The following KIT variants were observed in gnomAD, a reference collection of about 807,000 sequenced individuals.
KIT encodes the protein mast/stem cell growth factor receptor Kit.
Under a neutral mutation model 105.7 loss-of-function variants are expected in KIT, and 16 were observed. That is an observed-to-expected ratio of 0.15 (90% confidence interval 0.10 to 0.23). KIT has a LOEUF of 0.23. KIT is among the 10% of genes least tolerant of loss of function. The probability of loss-of-function intolerance (pLI) is 1.00; values close to 1 mark genes in which losing one functional copy is unlikely to be tolerated. For missense variants in KIT, 858 were observed against 1,213.8 expected, an observed-to-expected ratio of 0.71 and a Z score of 4.36; for synonymous variants, 438 against 441.1, an observed-to-expected ratio of 0.99 and a Z score of 0.09.
chr4:54,733,961 G>T (rs941831642), intron 17 of KIT, among the ~76,000 whole-genome samples: 2 of 152,114 alleles, frequency 1.3e-5, no homozygotes, highest in Admixed American at 6.6e-5. Context: ...ATTCCTGGAG[G>T]TGGATTTTTG....
At chr4:54,658,423 G>C (rs1007389214) in intron 1 of KIT, among the ~76,000 whole-genome samples, 3 of 152,068 alleles carry the variant, frequency 2.0e-5, no homozygotes, top group African/African-American at 2.4e-5. Flanking sequence ...GAGGCGGGGG[G>C]CTCAGGGGTT....
intron 7 of KIT, among the ~76,000 whole-genome samples, chr4:54,715,847 C>T (rs11931731): frequency 5.4e-4 from 82 of 152,302 alleles, no homozygotes; most frequent in Non-Finnish European, 1.1e-3. Flanking sequence ...TCTCCAACTA[C>T]CTTTATCCAG....
chr4:54,694,059 G>T (rs1416723969), intron 1 of KIT, among the ~76,000 whole-genome samples: 2 of 152,090 alleles, frequency 1.3e-5, no homozygotes. Flanking sequence ...AATCTACAGG[G>T]TCCCTGAGGT....
intron 1 of KIT, among the ~76,000 whole-genome samples, chr4:54,682,782 C>G (rs1490964014): frequency 1.4e-5 from 2 of 146,282 alleles, no homozygotes; most frequent in Non-Finnish European, 3.0e-5. Flanking sequence ...GACAGAGTCT[C>G]GCCCCGTCAC....
intron 20 of KIT, among the ~76,000 whole-genome samples, chr4:54,737,979 T>G (rs1723023765): frequency 6.6e-6 from 1 of 152,188 alleles, no homozygotes; most frequent in South Asian, 2.1e-4. Context: ...GGTTAAAGCT[T>G]GTTCTTCTGG....
rs576257790 is a variant in KIT at position 54,661,069 on chromosome 4, G to A, written c.67+2988G>A. 2.9e-3 allele frequency among the ~76,000 whole-genome samples: 437 copies of A among 152,240 alleles called. 5 individuals are homozygous for A. The highest frequency in any genetic ancestry group is 0.01 in the African/African-American group (416 of 41,534). On this transcript the variant is annotated intron_variant, in intron 1 of 20. Coordinates refer to ENST00000288135, the MANE Select transcript of KIT (RefSeq NM_000222.3). ...CTTAGTTGTTAGCTATCTCATTCCA[G>A]TTAGCGTCCCTCAGAAATGAAGGTA... is the stretch of plus-strand genomic sequence containing the variant.
In KIT at chr4:54,728,039, C is replaced by T. The variant is rs753610580; in HGVS notation, c.1908C>T (p.Ala636=). Residue 636 remains alanine (A), a synonymous_variant, in exon 13 of 21, where the codon GCC becomes GCT. Coordinates refer to ENST00000288135, the MANE Select transcript of KIT (RefSeq NM_000222.3). ...KPSAHLTERE[A]LMSELKVLSY... ...GTGCCCATTTGACAGAACGGGAAGC[C>T]CTCATGTCTGAACTCAAAGTCCTGA... 1.9e-6 allele frequency: 3 copies of T among 1,613,996 alleles called. No homozygotes were observed. In the East Asian group the frequency reaches 6.7e-5, roughly 36 times the overall value.
intron 1 of KIT, among the ~76,000 whole-genome samples, chr4:54,683,741 G>A (rs190389302): frequency 3.4e-3 from 516 of 152,234 alleles, no homozygotes; most frequent in Non-Finnish European, 5.5e-3. Flanking sequence ...CATTTAACAT[G>A]TTCTCTATCT....
chr4:54,696,928 A>G lies in KIT; in HGVS notation c.337+1147A>G, dbSNP rs867484744. ...AGGTATTTTGCAATTTCCAGGTGGC[A>G]ATGAAGTATCATGACAATTGAATAA... On this transcript the variant is annotated intron_variant, in intron 2 of 20. Coordinates refer to ENST00000288135, the MANE Select transcript of KIT (RefSeq NM_000222.3). Among the ~76,000 whole-genome samples, 7 of 152,384 alleles carry G rather than the reference A, an allele frequency of 4.6e-5. No homozygotes were observed. In the Middle Eastern group the frequency reaches 0.01, roughly 222 times the overall value.
chr4:54,682,277 A>G (rs1177811710), intron 1 of KIT, among the ~76,000 whole-genome samples: 1 of 151,576 alleles, frequency 6.6e-6, no homozygotes, highest in Non-Finnish European at 1.5e-5. Flanking sequence ...TTTTGCAGAG[A>G]TGATGTTTAG....
intron 1 of KIT, among the ~76,000 whole-genome samples, chr4:54,689,299 C>T (rs1251655559): frequency 6.6e-6 from 1 of 152,122 alleles, no homozygotes; most frequent in African/African-American, 2.4e-5. Flanking sequence ...AATAAAATAT[C>T]GAATACAACT....
At position 54,736,706 on chromosome 4, in the gene KIT, C is replaced by T; in HGVS notation, c.2597-15C>T. ...CTTCCTTGTGATTAACACTGCTTTG[C>T]AAACTGTGTCTCAGGAAGCAGCCCC... On this transcript the variant is annotated splice_polypyrimidine_tract_variant and intron_variant, in intron 18 of 20. Transcript: ENST00000288135. 6.2e-7 allele frequency: 1 copy of T among 1,611,104 alleles called. No homozygotes were observed. Among genetic ancestry groups the T allele is most frequent in the Non-Finnish European group, 8.5e-7 (1 of 1,177,276 alleles).
chr4:54,739,416 A>G lies in KIT; in HGVS notation c.*859A>G. ...TATAACCACAAAGCACAGTTTGAAC[A>G]AAATCTCCTCTTTTAGCTGATGAAC... On this transcript the variant is annotated 3_prime_UTR_variant, in exon 21 of 21. Transcript: ENST00000288135. 1 of 233,534 alleles carries G rather than the reference A, an allele frequency of 4.3e-6. No homozygotes were observed. The highest frequency in any genetic ancestry group is 8.5e-6 in the Non-Finnish European group (1 of 117,884). The allele number at this position is 233,534 out of a possible 1,614,324, so 14.5% of individuals were successfully genotyped here. A position where few individuals can be genotyped will look rare whatever the true frequency, so the allele number is the denominator to read the frequency against.
At chr4:54,681,415 C>T (rs569380839) in intron 1 of KIT, among the ~76,000 whole-genome samples, 1 of 152,224 alleles carries the variant, frequency 6.6e-6, no homozygotes, top group Non-Finnish European at 1.5e-5. Flanking sequence ...TTATCCAACT[C>T]CCCAAAGACT....
At chr4:54,658,415 G>A (rs1240921719) in intron 1 of KIT, among the ~76,000 whole-genome samples, 1 of 152,118 alleles carries the variant, frequency 6.6e-6, no homozygotes, top group Non-Finnish European at 1.5e-5. Context: ...GGGGGGCGGA[G>A]GCGGGGGGCT....
chr4:54,660,734 A>C (rs1717197028), intron 1 of KIT, among the ~76,000 whole-genome samples: 1 of 152,140 alleles, frequency 6.6e-6, no homozygotes, highest in African/African-American at 2.4e-5. Context: ...CTGGCTAAGG[A>C]TAAGCCCTAA....
intron 1 of KIT, among the ~76,000 whole-genome samples, chr4:54,677,563 C>A (rs2109591112): frequency 6.6e-6 from 1 of 152,316 alleles, no homozygotes; most frequent in East Asian, 1.9e-4. Context: ...TTCCTCGGGG[C>A]TTCCAAGAAA....
chr4:54,666,437 G>A (rs1316259556), intron 1 of KIT, among the ~76,000 whole-genome samples: 1 of 152,018 alleles, frequency 6.6e-6, no homozygotes, highest in Admixed American at 6.6e-5. Flanking sequence ...ACGCCACCAT[G>A]CCCAGCTAAT....
chr4:54,710,472 G>A (rs1008949794), intron 7 of KIT, among the ~76,000 whole-genome samples: 2 of 152,290 alleles, frequency 1.3e-5, no homozygotes, highest in Middle Eastern at 3.4e-3. Context: ...GTTATAGGGT[G>A]TTGTGGGAAC....
Sources: gnomAD v4.1 joint callset for allele counts (sites outside exome capture counted in the v4.1 genomes callset) on GRCh38, gnomAD v4.1.1 for gene constraint, MANE v1.5 for transcripts, NCBI Gene and HGNC (gene_info 2026-07-23, HGNC 2026-07-21) for gene names.